Variants in GRM5 observed in about 807,000 individuals in gnomAD.
GRM5 encodes glutamate metabotropic receptor 5, also known as metabotropic glutamate receptor 5.
Under a neutral mutation model 83.1 loss-of-function variants are expected in GRM5, and 19 were observed. The observed-to-expected ratio is 0.23, with a 90% CI of 0.16 to 0.34. The LOEUF (loss-of-function observed/expected upper bound fraction) is 0.34, where lower values mean the gene tolerates loss of function less well. Ranked by LOEUF, GRM5 falls within the 10% of genes least tolerant of loss-of-function variation. The pLI, the probability that GRM5 is intolerant of heterozygous loss-of-function variation, is 1.00. For missense variants in GRM5, 1,160 were observed against 1,588.3 expected (o/e 0.73, Z 4.58); for synonymous variants, 675 against 633.6 (o/e 1.07, Z -0.98).
intron 2 of GRM5, among the ~76,000 whole-genome samples, chr11:88,980,629 T>G (rs188218769): frequency 1.8e-4 from 28 of 152,204 alleles, no homozygotes; most frequent in African/African-American, 6.5e-4. Context: ...TAGACCATCC[T>G]GGCTAACATG....
chr11:88,695,230 A>G (rs1382836880), intron 3 of GRM5, among the ~76,000 whole-genome samples: 1 of 152,230 alleles, frequency 6.6e-6, no homozygotes, highest in African/African-American at 2.4e-5. Context: ...TAACCTCTAG[A>G]AATAGTTACA....
At chr11:89,019,631 G>A (rs1190216215) in intron 2 of GRM5, among the ~76,000 whole-genome samples, 5 of 151,982 alleles carry the variant, frequency 3.3e-5, no homozygotes, top group South Asian at 2.1e-4. Flanking sequence ...CTTGAGCCCC[G>A]GAGGTGGAGA....
intron 3 of GRM5, among the ~76,000 whole-genome samples, chr11:88,685,977 G>C (rs1055649959): frequency 1.3e-5 from 2 of 152,138 alleles, no homozygotes. Context: ...ATCCTGACTG[G>C]GGCACCACCT....
chr11:89,017,366 C>CAA (rs1940883911), intron 2 of GRM5, among the ~76,000 whole-genome samples: 1 of 152,132 alleles, frequency 6.6e-6, no homozygotes, highest in African/African-American at 2.4e-5. Flanking sequence ...ATTCATTCAA[C>CAA]AAAATTAAAA....
At chr11:88,518,749 G>A (rs918303283) in intron 9 of GRM5, among the ~76,000 whole-genome samples, 3 of 151,562 alleles carry the variant, frequency 2.0e-5, no homozygotes, top group Admixed American at 2.0e-4. Flanking sequence ...GTAGACTATT[G>A]CTCTTGCAGG....
chr11:88,754,242 TG>T (rs1942349033), intron 3 of GRM5, among the ~76,000 whole-genome samples: 1 of 151,988 alleles, frequency 6.6e-6, no homozygotes, highest in Non-Finnish European at 1.5e-5. Flanking sequence ...ATGAGAACAC[TG>T]GACACAGGGA....
intron 3 of GRM5, among the ~76,000 whole-genome samples, chr11:88,724,087 C>T (rs1941614633): frequency 6.6e-6 from 1 of 152,104 alleles, no homozygotes; most frequent in Non-Finnish European, 1.5e-5. Flanking sequence ...TCTATGAGGA[C>T]TTACATGTGC....
intron 4 of GRM5, among the ~76,000 whole-genome samples, chr11:88,650,246 G>A (rs1280472274): frequency 6.6e-6 from 1 of 151,838 alleles, no homozygotes; most frequent in Non-Finnish European, 1.5e-5. Context: ...TAGTAAATGA[G>A]AGATACAGTA....
At chr11:88,847,518 A>G (rs1305299062) in intron 3 of GRM5, among the ~76,000 whole-genome samples, 1 of 152,186 alleles carries the variant, frequency 6.6e-6, no homozygotes, top group African/African-American at 2.4e-5. Context: ...AGGATATTTC[A>G]AAGAGAAGTT....
intron 4 of GRM5, among the ~76,000 whole-genome samples, chr11:88,640,606 G>A (rs1405307029): frequency 2.6e-5 from 4 of 152,146 alleles, no homozygotes; most frequent in Admixed American, 2.0e-4. Flanking sequence ...CCAGTAATAA[G>A]TCTGGGCCTC....
intron 3 of GRM5, among the ~76,000 whole-genome samples, chr11:88,687,981 A>C (rs1343294048): frequency 6.6e-6 from 1 of 152,148 alleles, no homozygotes; most frequent in African/African-American, 2.4e-5. Context: ...ACCTTGATTT[A>C]ATTTTTAATC....
At chr11:88,602,380 G>T (rs1032416739) in intron 5 of GRM5, among the ~76,000 whole-genome samples, 2 of 152,166 alleles carry the variant, frequency 1.3e-5, no homozygotes, top group African/African-American at 4.8e-5. Flanking sequence ...TCAGATGAGA[G>T]ATTTAAAAAC....
chr11:88,687,714 G>A (rs1380588370), intron 3 of GRM5, among the ~76,000 whole-genome samples: 3 of 145,008 alleles, frequency 2.1e-5, no homozygotes, highest in Non-Finnish European at 4.5e-5. Context: ...ATATACCCCC[G>A]TATGGTGCTT....
At chr11:88,901,618 C>A (rs1219252416) in intron 2 of GRM5, among the ~76,000 whole-genome samples, 4 of 152,138 alleles carry the variant, frequency 2.6e-5, no homozygotes, top group African/African-American at 9.7e-5. Context: ...GGTGAATGAG[C>A]TCTGAAAGTG....
At chr11:88,962,574 C>T (rs996994714) in intron 2 of GRM5, among the ~76,000 whole-genome samples, 1 of 151,920 alleles carries the variant, frequency 6.6e-6, no homozygotes, top group African/African-American at 2.4e-5. Flanking sequence ...GACATCTATC[C>T]ATTAATTCTA....
At chr11:88,760,183 C>T (rs1195184725) in intron 3 of GRM5, among the ~76,000 whole-genome samples, 4 of 151,968 alleles carry the variant, frequency 2.6e-5, no homozygotes, top group Admixed American at 6.6e-5. Context: ...AACAGCAAAC[C>T]AATCCCAAAG....
At chr11:88,528,441 T>C (rs1302873874) in intron 8 of GRM5, among the ~76,000 whole-genome samples, 1 of 152,100 alleles carries the variant, frequency 6.6e-6, no homozygotes, top group Non-Finnish European at 1.5e-5. Context: ...CTGTTCAAAA[T>C]TACTAATAGA....
chr11:89,045,955 G>A (rs1240924371), intron 2 of GRM5, among the ~76,000 whole-genome samples: 1 of 152,060 alleles, frequency 6.6e-6, no homozygotes, highest in African/African-American at 2.4e-5. Flanking sequence ...TTCCCACCAT[G>A]ACCCCCATAA....
At chr11:88,563,342 C>T (rs1274004596) in intron 8 of GRM5, among the ~76,000 whole-genome samples, 1 of 152,162 alleles carries the variant, frequency 6.6e-6, no homozygotes, top group Non-Finnish European at 1.5e-5. Flanking sequence ...TGTGTACATA[C>T]ACCTTTCCAG....
Sources: allele counts gnomAD v4.1 joint callset (sites outside exome capture counted in the v4.1 genomes callset), GRCh38; gene constraint gnomAD v4.1.1; transcripts MANE v1.5; gene names NCBI Gene and HGNC (gene_info 2026-07-23, HGNC 2026-07-21).